Variants in PHF14 observed in about 807,000 individuals in gnomAD.
The protein encoded by PHF14 is PHD finger protein 14.
PHF14 carries 55 observed loss-of-function variants against 117.9 expected under a neutral mutation model. That is an observed-to-expected ratio of 0.47 (90% CI 0.38 to 0.58). The LOEUF (loss-of-function observed/expected upper bound fraction) is 0.58, where lower values mean the gene tolerates loss of function less well. Ranked by LOEUF, PHF14 falls within the 20% of genes least tolerant of loss-of-function variation. The pLI is 0.00. For missense variants in PHF14, 978 were observed against 1,122.2 expected (o/e 0.87, Z 1.84); for synonymous variants, 409 against 368.6 (o/e 1.11, Z -1.26).
intron 17 of PHF14, among the ~76,000 whole-genome samples, chr7:11,150,524 A>G (rs1562486962): frequency 6.6e-6 from 1 of 152,130 alleles, no homozygotes; most frequent in Admixed American, 6.6e-5. Flanking sequence ...AAGGAAAGGA[A>G]AGAGAGAGGA....
intron 7 of PHF14, among the ~76,000 whole-genome samples, chr7:11,034,888 T>A (rs1311729345): frequency 6.6e-6 from 1 of 152,176 alleles, no homozygotes; most frequent in Non-Finnish European, 1.5e-5. Flanking sequence ...CTGTCCATTG[T>A]TAGCCAGTTA....
chr7:11,138,756 G>A (rs1788318297), intron 17 of PHF14, among the ~76,000 whole-genome samples: 1 of 152,284 alleles, frequency 6.6e-6, no homozygotes, highest in African/African-American at 2.4e-5. Context: ...TGGGAATAAT[G>A]TATTTTTAAT....
chr7:11,118,877 TAA>T (rs1279974686), intron 17 of PHF14, among the ~76,000 whole-genome samples: 4 of 151,882 alleles, frequency 2.6e-5, no homozygotes, highest in African/African-American at 4.8e-5. Context: ...TTTATTAAGA[TAA>T]GTTTGTCAGT....
intron 17 of PHF14, 77 bp from the exon 18 acceptor site, chr7:11,169,339 C>T: frequency 7.9e-6 from 5 of 633,154 alleles, no homozygotes; most frequent in Non-Finnish European, 5.5e-6. Context: ...TCTACAGATG[C>T]AGTTAAAATC....
intron 10 of PHF14, among the ~76,000 whole-genome samples, chr7:11,037,693 G>A (rs540876196): frequency 1.1e-4 from 17 of 152,128 alleles, no homozygotes; most frequent in African/African-American, 2.7e-4. Context: ...TGGTTAAAAT[G>A]TTATACCAAG....
chr7:11,058,270 C>G (rs895474583), intron 14 of PHF14, among the ~76,000 whole-genome samples: 7 of 151,980 alleles, frequency 4.6e-5, no homozygotes, highest in Non-Finnish European at 8.8e-5. Flanking sequence ...TGTACCATTT[C>G]TCCCTCTTTT....
intron 4 of PHF14, among the ~76,000 whole-genome samples, chr7:10,999,208 C>T (rs897996899): frequency 6.6e-6 from 1 of 152,204 alleles, no homozygotes; most frequent in African/African-American, 2.4e-5. Flanking sequence ...CTAGCACAAT[C>T]TGCTGGAGCT....
At chr7:11,105,350 T>G (rs939782235) in intron 16 of PHF14, 7 of 944,200 alleles carry the variant, frequency 7.4e-6, no homozygotes, top group Non-Finnish European at 8.8e-6. Context: ...TCTATTTCCC[T>G]GTATTCACAT....
At chr7:10,986,174 G>C (rs1326241446) in intron 3 of PHF14, among the ~76,000 whole-genome samples, 3 of 149,896 alleles carry the variant, frequency 2.0e-5, no homozygotes, top group Admixed American at 1.3e-4. Context: ...TGTAGAGATG[G>C]TATATCACTA....
chr7:11,088,403 AAC>A (rs796166464), intron 16 of PHF14, among the ~76,000 whole-genome samples: 123 of 151,058 alleles, frequency 8.1e-4, no homozygotes, highest in Non-Finnish European at 1.4e-3. Context: ...CATACACACA[AAC>A]ACACACACAC....
At chr7:11,051,313 G>A (rs896592396) in intron 13 of PHF14, among the ~76,000 whole-genome samples, 1 of 152,022 alleles carries the variant, frequency 6.6e-6, no homozygotes, top group Non-Finnish European at 1.5e-5. Context: ...ACTGCAGCTG[G>A]CAAAACCACC....
Position 11,169,604 on chromosome 7 carries a change from T to C in PHF14, c.*114T>C, listed in dbSNP as rs987614295. The stretch of plus-strand genomic sequence containing the variant: ...AATTTGCAAAATGTTCTCAATAAAG[T>C]CATTCAAAATGAAATAGGAGCTTGT... On this transcript the variant is annotated 3_prime_UTR_variant, in exon 18 of 18. Coordinates refer to ENST00000634607, the MANE Select transcript of PHF14 (RefSeq NM_001007157.2). The C allele has an allele frequency of 2.1e-6, 1 of 479,376 alleles. No individual in the cohort carries two copies. The highest frequency in any genetic ancestry group is 4.3e-5 in the Admixed American group (1 of 23,124). The allele number at this position is 479,376 out of a possible 1,614,324, so 29.7% of individuals were successfully genotyped here.
At chr7:11,035,335 C>G (rs1330258237) in intron 7 of PHF14, among the ~76,000 whole-genome samples, 2 of 151,944 alleles carry the variant, frequency 1.3e-5, no homozygotes, top group Non-Finnish European at 1.5e-5. Context: ...GAACCAGTCC[C>G]CCATGGATAT....
intron 7 of PHF14, among the ~76,000 whole-genome samples, chr7:11,034,876 A>C (rs1277105244): frequency 6.6e-6 from 1 of 152,052 alleles, no homozygotes; most frequent in African/African-American, 2.4e-5. Context: ...CCTCAGTAGA[A>C]TCTGTCCATT....
rs188410661 is a variant in PHF14 at position 11,156,234 on chromosome 7, C to T, written c.2773-13182C>T. 2.6e-5 allele frequency among the ~76,000 whole-genome samples: 4 copies of T among 152,292 alleles called. 1 individual carries two copies. Among genetic ancestry groups the T allele is most frequent in the Admixed American group, 2.0e-4 (3 of 15,292 alleles). ...GAAAATAGGGACGTTATTTTTGACA[C>T]TGATAATAAAGTGCCACTACTGAGG... On this transcript the variant is annotated intron_variant, in intron 17 of 17. Coordinates refer to ENST00000634607, the MANE Select transcript of PHF14 (RefSeq NM_001007157.2).
chr7:11,165,321 A>G (rs1789170462), intron 17 of PHF14, among the ~76,000 whole-genome samples: 1 of 152,180 alleles, frequency 6.6e-6, no homozygotes, highest in South Asian at 2.1e-4. Flanking sequence ...TGGGAAGGAT[A>G]CCACAAACCA....
At chr7:11,127,022 T>C (rs1050787872) in intron 17 of PHF14, among the ~76,000 whole-genome samples, 1 of 152,122 alleles carries the variant, frequency 6.6e-6, no homozygotes, top group Non-Finnish European at 1.5e-5. Context: ...TCCCAGTGCC[T>C]TTAAACATGC....
intron 17 of PHF14, among the ~76,000 whole-genome samples, chr7:11,156,692 A>T (rs1380240033): frequency 6.6e-6 from 1 of 152,094 alleles, no homozygotes; most frequent in Non-Finnish European, 1.5e-5. Flanking sequence ...CTACTCGGGA[A>T]GCTGAGGCAG....
chr7:11,107,034 A>AT (rs1787292225), intron 16 of PHF14: 7 of 983,746 alleles, frequency 7.1e-6, no homozygotes, highest in Non-Finnish European at 7.2e-6. Flanking sequence ...ACAAATGGCT[A>AT]TAAATTATTT....
Sources: gnomAD v4.1 joint callset for allele counts (sites outside exome capture counted in the v4.1 genomes callset) on GRCh38, gnomAD v4.1.1 for gene constraint, MANE v1.5 for transcripts, NCBI Gene and HGNC (gene_info 2026-07-23, HGNC 2026-07-21) for gene names.